The following PCDH7 variants were observed in gnomAD, a reference collection of about 807,000 sequenced individuals.
The protein encoded by PCDH7 is protocadherin-7.
In PCDH7, 17 loss-of-function variants were observed where a neutral mutation model predicts 58.9. The ratio of observed to expected loss-of-function variants is 0.29; its 90% CI spans 0.20 to 0.43. The LOEUF (loss-of-function observed/expected upper bound fraction) is 0.43. Ranked by LOEUF, PCDH7 falls within the 20% of genes least tolerant of loss-of-function variation. The pLI is 1.00. For synonymous variants in PCDH7, 664 were observed against 616.4 expected, an observed-to-expected ratio of 1.08 and a Z score of -1.14; for missense variants, 1,274 against 1,441.0, an observed-to-expected ratio of 0.88 and a Z score of 1.88.
intron 1 of PCDH7, among the ~76,000 whole-genome samples, chr4:30,760,904 T>G (rs959938940): frequency 6.6e-6 from 1 of 152,126 alleles, no homozygotes; most frequent in Non-Finnish European, 1.5e-5. Context: ...TTCTTCCCAA[T>G]CATTCTCTTT....
chr4:30,982,182 T>C (rs1750629710), intron 3 of PCDH7, among the ~76,000 whole-genome samples: 1 of 152,170 alleles, frequency 6.6e-6, no homozygotes, highest in Non-Finnish European at 1.5e-5. Context: ...AAATATATAA[T>C]TTTTGTGGAT....
At chr4:30,860,272 A>G (rs776172708) in intron 1 of PCDH7, among the ~76,000 whole-genome samples, 2 of 152,144 alleles carry the variant, frequency 1.3e-5, no homozygotes, top group Non-Finnish European at 2.9e-5. Context: ...GGGTCTAAAA[A>G]GGAGAGTTTC....
At chr4:30,757,736 T>G (rs1719499942) in intron 1 of PCDH7, among the ~76,000 whole-genome samples, 1 of 152,172 alleles carries the variant, frequency 6.6e-6, no homozygotes, top group Admixed American at 6.5e-5. Context: ...CAATTAAATT[T>G]TTATATGCCT....
chr4:30,895,408 A>C (rs1455737342), intron 1 of PCDH7, among the ~76,000 whole-genome samples: 2 of 152,182 alleles, frequency 1.3e-5, no homozygotes, highest in African/African-American at 4.8e-5. Context: ...ACTTAATAGA[A>C]AGCTTCTGAG....
intron 3 of PCDH7, among the ~76,000 whole-genome samples, chr4:31,135,103 T>C (rs993717603): frequency 2.0e-5 from 3 of 152,218 alleles, no homozygotes; most frequent in African/African-American, 7.2e-5. Flanking sequence ...TTTTGATGTA[T>C]GGTGCATTTT....
intron 1 of PCDH7, among the ~76,000 whole-genome samples, chr4:30,772,604 TAGAAG>T (rs1485583379): frequency 6.6e-6 from 1 of 152,184 alleles, no homozygotes; most frequent in Non-Finnish European, 1.5e-5. Context: ...CTGCCATGCC[TAGAAG>T]AGAAGAGTCA....
At chr4:30,902,759 T>C (rs138476307) in intron 1 of PCDH7, among the ~76,000 whole-genome samples, 1 of 152,154 alleles carries the variant, frequency 6.6e-6, no homozygotes, top group Non-Finnish European at 1.5e-5. Context: ...ATTTTAGATA[T>C]GGCTCACCAA....
intron 3 of PCDH7, among the ~76,000 whole-genome samples, chr4:31,098,568 C>T (rs1009881296): frequency 1.3e-5 from 2 of 152,140 alleles, no homozygotes. Context: ...TACCAAACTA[C>T]TTGGGCTCAC....
intron 1 of PCDH7, chr4:30,793,862 T>C (rs1724448568): frequency 6.6e-6 from 1 of 152,206 alleles, no homozygotes; most frequent in Non-Finnish European, 1.5e-5. Flanking sequence ...ATAAAGGTAA[T>C]CATGGTTTTG....
At chr4:30,841,909 G>A (rs1275608637) in intron 1 of PCDH7, among the ~76,000 whole-genome samples, 3 of 151,904 alleles carry the variant, frequency 2.0e-5, no homozygotes, top group Non-Finnish European at 4.4e-5. Flanking sequence ...TAATCCTCTG[G>A]TTTATACATT....
chr4:31,132,465 A>T (rs920113047), intron 3 of PCDH7, among the ~76,000 whole-genome samples: 1 of 152,134 alleles, frequency 6.6e-6, no homozygotes, highest in Non-Finnish European at 1.5e-5. Context: ...TAGAATATAC[A>T]TTCTACAACT....
intron 3 of PCDH7, among the ~76,000 whole-genome samples, chr4:30,959,781 G>A (rs1362542986): frequency 2.6e-5 from 4 of 152,072 alleles, no homozygotes; most frequent in African/African-American, 4.8e-5. Flanking sequence ...TACTATAAAT[G>A]TGTGCCTTCA....
At chr4:31,022,575 T>A (rs1289593777) in intron 3 of PCDH7, among the ~76,000 whole-genome samples, 1 of 152,168 alleles carries the variant, frequency 6.6e-6, no homozygotes, top group Non-Finnish European at 1.5e-5. Context: ...ACCACATAAA[T>A]GTCAAAAAGA....
intron 1 of PCDH7, among the ~76,000 whole-genome samples, chr4:30,795,800 G>A (rs554476805): frequency 2.8e-4 from 43 of 152,204 alleles, no homozygotes; most frequent in African/African-American, 7.7e-4. Flanking sequence ...ATATATAAAC[G>A]TGCCCATAAA....
chr4:30,858,096 A>G (rs1733717981), intron 1 of PCDH7, among the ~76,000 whole-genome samples: 1 of 152,194 alleles, frequency 6.6e-6, no homozygotes, highest in African/African-American at 2.4e-5. Context: ...TGATACACAT[A>G]TGAACTTTTG....
chr4:31,020,287 T>G (rs901726972), intron 3 of PCDH7, among the ~76,000 whole-genome samples: 1 of 152,230 alleles, frequency 6.6e-6, no homozygotes. Context: ...TCTTTAGAGA[T>G]AAAAAGCATT....
chr4:30,915,781 CAA>C, intron 1 of PCDH7, among the ~76,000 whole-genome samples: 1 of 152,058 alleles, frequency 6.6e-6, no homozygotes, highest in East Asian at 1.9e-4. Flanking sequence ...CTCAGCCTCC[CAA>C]AAGTGCTGGG....
intron 3 of PCDH7, among the ~76,000 whole-genome samples, chr4:31,046,825 C>A (rs1342783601): frequency 6.6e-6 from 1 of 151,796 alleles, no homozygotes; most frequent in Non-Finnish European, 1.5e-5. Context: ...TTTGCAAATA[C>A]CACTTAAAAG....
At chr4:30,842,533 A>T (rs1417054301) in intron 1 of PCDH7, among the ~76,000 whole-genome samples, 1 of 152,184 alleles carries the variant, frequency 6.6e-6, no homozygotes, top group Non-Finnish European at 1.5e-5. Context: ...TCCCCAGAAC[A>T]TATAGGTATC....
Sources: gnomAD v4.1 joint callset for allele counts (sites outside exome capture counted in the v4.1 genomes callset) on GRCh38, gnomAD v4.1.1 for gene constraint, MANE v1.5 for transcripts, NCBI Gene and HGNC (gene_info 2026-07-23, HGNC 2026-07-21) for gene names.